The following MEGF10 variants were observed in gnomAD, a reference collection of about 807,000 sequenced individuals.
MEGF10 encodes the protein multiple epidermal growth factor-like domains protein 10.
Under a neutral mutation model 147.5 loss-of-function variants are expected in MEGF10, and 86 were observed. The ratio of observed to expected loss-of-function variants is 0.58; its 90% CI spans 0.49 to 0.70. The LOEUF is 0.70. MEGF10 is among the 30% of genes least tolerant of loss of function. The pLI, the probability that MEGF10 is intolerant of heterozygous loss-of-function variation, is 0.00. For missense variants in MEGF10, 1,329 were observed against 1,487.3 expected, an observed-to-expected ratio of 0.89 and a Z score of 1.75; for synonymous variants, 478 against 525.5, an observed-to-expected ratio of 0.91 and a Z score of 1.24.
intron 4 of MEGF10, 152 bp downstream of exon 4, chr5:127,340,782 T>C (rs1761650534): frequency 9.8e-6 from 6 of 614,088 alleles, no homozygotes; most frequent in Non-Finnish European, 1.8e-5. Context: ...GCTTGTGTAA[T>C]GAAGGAAACA....
intron 2 of MEGF10, among the ~76,000 whole-genome samples, chr5:127,337,698 T>C (rs1319740032): frequency 6.6e-6 from 1 of 152,078 alleles, no homozygotes; most frequent in Non-Finnish European, 1.5e-5. Context: ...AACAGTCATC[T>C]AAAGTATATG....
At chr5:127,346,247 G>T (rs559813798) in intron 4 of MEGF10, among the ~76,000 whole-genome samples, 1 of 152,194 alleles carries the variant, frequency 6.6e-6, no homozygotes, top group African/African-American at 2.4e-5. Context: ...TGAATCAAAT[G>T]GTAGATCTAC....
At chr5:127,306,945 AT>A (rs554661868) in intron 1 of MEGF10, among the ~76,000 whole-genome samples, 11 of 152,262 alleles carry the variant, frequency 7.2e-5, no homozygotes, top group African/African-American at 2.4e-4. Context: ...ACTTGAGGTA[AT>A]TTTTTTAATG....
intron 13 of MEGF10, among the ~76,000 whole-genome samples, chr5:127,423,927 T>G (rs948599494): frequency 6.6e-6 from 1 of 152,182 alleles, no homozygotes; most frequent in Non-Finnish European, 1.5e-5. Flanking sequence ...CTTTTGGTGT[T>G]AAATGTAAAA....
intron 13 of MEGF10, among the ~76,000 whole-genome samples, chr5:127,426,223 A>G (rs1434491169): frequency 6.6e-6 from 1 of 152,184 alleles, no homozygotes; most frequent in Admixed American, 6.5e-5. Flanking sequence ...ACTTCAACCC[A>G]CTATCTAGCA....
chr5:127,410,552 G>A lies in MEGF10; in HGVS notation c.1081G>A (p.Gly361Ser), dbSNP rs757939016. Residue 361 changes from glycine to serine, a missense_variant, in exon 9 of 25, where the codon GGC (glycine) becomes AGC (serine). By Grantham distance (56) the Gly-to-Ser change is moderately conservative (BLOSUM62 0). Transcript: ENST00000503335. Reference protein sequence around the residue: ...EARLCPEGLYGIKCDKRCPCH... With the variant: ...EARLCPEGLYSIKCDKRCPCH... The stretch of plus-strand genomic sequence containing the variant: ...ACGCCTGTGTCCTGAGGGGCTCTAC[G>A]GCATCAAATGTGACAAACGGTGTCC... 24 of 1,612,282 alleles carry A rather than the reference G, an allele frequency of 1.5e-5. No individual in the cohort carries two copies. The highest frequency in any genetic ancestry group is 1.1e-4 in the South Asian group (10 of 91,020).
chr5:127,266,826 G>A, the MEGF10 span, among the ~76,000 whole-genome samples: 1 of 152,180 alleles, frequency 6.6e-6, no homozygotes. Context: ...TTTGGGCTGA[G>A]ACAATGGGGT....
the MEGF10 span, among the ~76,000 whole-genome samples, chr5:127,264,180 A>G: frequency 1.3e-5 from 2 of 152,250 alleles, no homozygotes; most frequent in East Asian, 3.9e-4. Context: ...GGAAAACACT[A>G]TGTGAAAACT....
chr5:127,377,794 G>A (rs975490778), intron 5 of MEGF10, among the ~76,000 whole-genome samples: 1 of 152,184 alleles, frequency 6.6e-6, no homozygotes, highest in Non-Finnish European at 1.5e-5. Flanking sequence ...GAGAGTAGAC[G>A]CTGGGAGCCC....
chr5:127,309,947 C>CTCTTTCCTTCCTTCTTTCTTTCTT (rs1554088995), intron 1 of MEGF10, among the ~76,000 whole-genome samples: 2 of 90,464 alleles, frequency 2.2e-5, no homozygotes, highest in African/African-American at 8.9e-5. Context: ...TCCTTGCCAA[C>CTCTTTCCTTCCTTCTTTCTTTCTT]TCTTTCTTTC....
chr5:127,346,352 C>T (rs2126811388), intron 4 of MEGF10, among the ~76,000 whole-genome samples: 1 of 152,240 alleles, frequency 6.6e-6, no homozygotes, highest in Middle Eastern at 3.4e-3. Context: ...TTTTTCGCCA[C>T]ATCCACACCG....
chr5:127,433,565 C>T (rs2127000376), intron 14 of MEGF10, 56 bp downstream of exon 14: 4 of 1,538,720 alleles, frequency 2.6e-6, no homozygotes, highest in Non-Finnish European at 3.5e-6. Context: ...CACCATGTAT[C>T]GAATAATGAT....
chr5:127,284,166 G>A, the MEGF10 span, among the ~76,000 whole-genome samples: 1 of 152,134 alleles, frequency 6.6e-6, no homozygotes, highest in African/African-American at 2.4e-5. Context: ...TACTGGAGAA[G>A]GGAGCATAAA....
At chr5:127,403,435 A>G (rs1764205189) in intron 8 of MEGF10, among the ~76,000 whole-genome samples, 1 of 152,218 alleles carries the variant, frequency 6.6e-6, no homozygotes, top group Non-Finnish European at 1.5e-5. Context: ...CCTTTGAGTT[A>G]CAAGCAATTC....
intron 5 of MEGF10, among the ~76,000 whole-genome samples, chr5:127,391,070 A>G (rs909482180): frequency 6.7e-6 from 1 of 149,282 alleles, no homozygotes; most frequent in African/African-American, 2.5e-5. Context: ...ATGTGTATAT[A>G]TACATACATA....
chr5:127,315,559 T>C (rs1378854204), intron 1 of MEGF10, among the ~76,000 whole-genome samples: 2 of 152,158 alleles, frequency 1.3e-5, no homozygotes, highest in Non-Finnish European at 2.9e-5. Flanking sequence ...GTGAATTGCT[T>C]GAGCCCAGGA....
intron 1 of MEGF10, among the ~76,000 whole-genome samples, chr5:127,299,049 G>A (rs936122222): frequency 1.4e-4 from 21 of 152,290 alleles, no homozygotes; most frequent in Admixed American, 5.9e-4. Context: ...ATGGCGTTGG[G>A]GGAACACAAG....
In MEGF10 at chr5:127,439,257, C is replaced by T. The variant is rs575868720; in HGVS notation, c.2233+690C>T. Among the ~76,000 whole-genome samples the T allele has an allele frequency of 2.0e-5, 3 of 152,280 alleles. No individual in the cohort carries two copies. The East Asian group carries it at 5.8e-4, about 29-fold the overall frequency. On this transcript the variant is annotated intron_variant, in intron 17 of 24. Transcript: ENST00000503335. ...AAGTACTTACTCCAAAGCTGAGCAT[C>T]ATTGGGGAAGGAAGATCATTCTCTG...
At chr5:127,231,513 A>G in the MEGF10 span, among the ~76,000 whole-genome samples, 5 of 152,260 alleles carry the variant, frequency 3.3e-5, no homozygotes, top group Non-Finnish European at 1.5e-5. Flanking sequence ...GTGACCCTGT[A>G]AAATTACTCT....
Sources: gnomAD v4.1 joint callset for allele counts (sites outside exome capture counted in the v4.1 genomes callset) on GRCh38, gnomAD v4.1.1 for gene constraint, MANE v1.5 for transcripts, NCBI Gene and HGNC (gene_info 2026-07-23, HGNC 2026-07-21) for gene names.